The following ABL1 variants were observed in gnomAD, a reference collection of about 807,000 sequenced individuals.
ABL1 encodes the protein ABL proto-oncogene 1, non-receptor tyrosine kinase, also known as tyrosine-protein kinase ABL1.
Under a neutral mutation model 94.7 loss-of-function variants are expected in ABL1, and 11 were observed. The observed-to-expected ratio is 0.12, with a 90% CI of 0.07 to 0.19. ABL1 has a LOEUF of 0.19. Ranked by LOEUF, ABL1 falls within the 10% of genes least tolerant of loss-of-function variation. The pLI is 1.00. For synonymous variants in ABL1, 656 were observed against 622.4 expected (o/e 1.05, Z -0.80); for missense variants, 1,082 against 1,489.4 (o/e 0.73, Z 4.50).
Position 130,738,587 on chromosome 9 carries a change from G to GA in ABL1, c.136+24141dup, listed in dbSNP as rs554688251. Among the ~76,000 whole-genome samples the GA allele has an allele frequency of 8.2e-4, 124 of 151,236 alleles. 1 individual carries two copies. In the Middle Eastern group the frequency reaches 0.01, roughly 12 times the overall value. ...TATTGTTTCATTATCATGTTGATGA[G>GA]AAAAAAAAATCAATTCCCTGCTGGA... On this transcript the variant is annotated intron_variant, in intron 1 of 10. Coordinates refer to the ABL1 transcript ENST00000372348.
rs55915035 is a variant in ABL1, at chr9:130,728,230, A to ATTTTTTTTTTTT, written c.136+13782_136+13793dup. Among the ~76,000 whole-genome samples, 524 of 102,506 alleles carry ATTTTTTTTTTTT rather than the reference A, an allele frequency of 5.1e-3. 76 individuals are homozygous for ATTTTTTTTTTTT. Among genetic ancestry groups the ATTTTTTTTTTTT allele is most frequent in the African/African-American group, 0.023 (440 of 18,982 alleles). 67.2% of individuals were successfully genotyped at this position (102,506 alleles called of 152,430 possible). ...GGGCATGCGCCACCATGTCCAGCTGATTTTTTTTTTTTTTTTTTGTGGAGA... is the reference window on the plus strand; with the variant it reads ...GGGCATGCGCCACCATGTCCAGCTGATTTTTTTTTTTTTTTTTTTTTTTTTTTTTTGTGGAGA... On this transcript the variant is annotated intron_variant, in intron 1 of 10. Transcript: ENST00000372348.
rs1064162 is a variant in ABL1 at position 130,885,072 on chromosome 9, C to T, written c.2782C>T (p.Leu928=). 1,486 of 1,610,022 alleles carry T rather than the reference C, an allele frequency of 9.2e-4. 2 individuals carry two copies. The highest frequency in any genetic ancestry group is 1.3e-3 in the Admixed American group (80 of 59,788). The part of the protein sequence containing the change: ...PSQEAAGEAV[L]GAKTKATSLV... ...CCAGGAGGCGGCCGGGGAGGCAGTC[C>T]TGGGCGCAAAGACAAAAGCCACGAG... Residue 928 remains leucine, a synonymous_variant, in exon 11 of 11, where the codon CTG becomes TTG. Coordinates refer to ENST00000318560, the MANE Select transcript of ABL1 (RefSeq NM_005157.6).
chr9:130,713,252 T>G (rs1831393777), exon 1 of ABL1, among the ~76,000 whole-genome samples: 1 of 151,960 alleles, frequency 6.6e-6, no homozygotes, highest in African/African-American at 2.4e-5. Flanking sequence ...AGGGGGTGTC[T>G]CGGGCAGAGA....
chr9:130,792,483 G>T (rs1829922678), intron 1 of ABL1, among the ~76,000 whole-genome samples: 1 of 151,874 alleles, frequency 6.6e-6, no homozygotes, highest in Non-Finnish European at 1.5e-5. Flanking sequence ...GGTCCTATGA[G>T]TCCTTCAGTT....
At chr9:130,817,349 A>G (rs1308297295) in intron 1 of ABL1, among the ~76,000 whole-genome samples, 1 of 152,264 alleles carries the variant, frequency 6.6e-6, no homozygotes, top group Admixed American at 6.5e-5. Context: ...TTGCCCTGGC[A>G]TGCTTATACT....
rs60571093 is a variant in ABL1 at position 130,727,751 on chromosome 9, GCC to G, written c.136+13307_136+13308del. Among the ~76,000 whole-genome samples the G allele has an allele frequency of 9.5e-4, 84 of 88,164 alleles. 1 individual carries two copies. Among genetic ancestry groups the G allele is most frequent in the Middle Eastern group, 9.6e-3 (2 of 208 alleles). 57.8% of individuals were successfully genotyped at this position (88,164 alleles called of 152,430 possible). Reference sequence around the variant, plus strand: ...AGCCTGGGTGACAGAGTGAGACACCGCCCCCCCCCCCCAAAAAAAAGCATTTA... The same window carrying G: ...AGCCTGGGTGACAGAGTGAGACACCGCCCCCCCCCCAAAAAAAAGCATTTA... On this transcript the variant is annotated intron_variant, in intron 1 of 10. Coordinates refer to the ABL1 transcript ENST00000372348.
rs2229071 is a variant in ABL1 at position 130,884,719 on chromosome 9, C to T, written c.2429C>T (p.Pro810Leu). ...DIMESSPGSS[P>L]PNLTPKPLRR... is the part of the protein sequence containing the mutation. The stretch of plus-strand genomic sequence containing the variant: ...ATGGAGTCCAGCCCGGGCTCCAGCC[C>T]GCCCAACCTGACTCCAAAACCCCTC... The change falls in exon 11 of 11, where the codon CCG becomes CTG. Residue 810 changes from proline (P) to leucine (L), a missense_variant. By Grantham distance (98) the Pro-to-Leu change is moderately conservative (BLOSUM62 -3). Coordinates refer to ENST00000318560, the MANE Select transcript of ABL1 (RefSeq NM_005157.6). This position sits in a 1 kb window ranked among gnomAD's most constrained non-coding sequence, Gnocchi z 5.6. 6.6e-3 allele frequency: 10,564 copies of T among 1,612,558 alleles called. 46 individuals are homozygous for T. Among genetic ancestry groups the T allele is most frequent in the Non-Finnish European group, 7.6e-3 (8,910 of 1,179,900 alleles).
chr9:130,875,941 C>G (rs972943796), intron 7 of ABL1, among the ~76,000 whole-genome samples: 2 of 152,174 alleles, frequency 1.3e-5, no homozygotes, highest in African/African-American at 2.4e-5. Context: ...GATTCTCCTG[C>G]CTCAGCCTCC....
At chr9:130,742,004 G>C (rs895667927) in intron 1 of ABL1, among the ~76,000 whole-genome samples, 8 of 152,178 alleles carry the variant, frequency 5.3e-5, no homozygotes, top group Middle Eastern at 6.3e-3. Context: ...ACAGGGCCTG[G>C]GTGCCCTTTA....
At chr9:130,808,284 C>T (rs1173788401) in intron 1 of ABL1, among the ~76,000 whole-genome samples, 4 of 147,554 alleles carry the variant, frequency 2.7e-5, no homozygotes, top group African/African-American at 5.1e-5. Flanking sequence ...TGCTCTGTCA[C>T]CCAGGCTGGA....
Position 130,835,352 on chromosome 9 carries a change from C to A in ABL1, c.-95C>A. Reference sequence around the variant, plus strand: ...TGAGGGCGGCTGGCGGGGCCGGGGGCGCCGGGGGGGCGCGCGGGCCGAGCC... The same window carrying A: ...TGAGGGCGGCTGGCGGGGCCGGGGGAGCCGGGGGGGCGCGCGGGCCGAGCC... On this transcript the variant is annotated 5_prime_UTR_variant, in exon 1 of 11. Transcript: ENST00000318560. The surrounding 1 kb of genome is among the most constrained non-coding windows in gnomAD (Gnocchi z 4.6). 2 of 430,434 alleles carry A rather than the reference C, an allele frequency of 4.6e-6. No individual in the cohort carries two copies. Among genetic ancestry groups the A allele is most frequent in the Non-Finnish European group, 5.1e-6 (2 of 391,906 alleles). The allele number at this position is 430,434 out of a possible 1,614,324, so 26.7% of individuals were successfully genotyped here.
intron 1 of ABL1, among the ~76,000 whole-genome samples, chr9:130,796,920 C>CAAA (rs10607745): frequency 1.6e-5 from 1 of 60,758 alleles, no homozygotes; most frequent in Non-Finnish European, 3.4e-5. Flanking sequence ...AACTTCATCT[C>CAAA]AAAAAAAAAA....
At chr9:130,776,879 A>G (rs1482139402) in intron 1 of ABL1, among the ~76,000 whole-genome samples, 3 of 152,138 alleles carry the variant, frequency 2.0e-5, no homozygotes, top group Non-Finnish European at 2.9e-5. Flanking sequence ...GGTGTGAGCC[A>G]CCATGCCTGG....
At chr9:130,724,983 C>T (rs1588211259) in intron 1 of ABL1, 1 of 314,286 alleles carries the variant, frequency 3.2e-6, no homozygotes, top group South Asian at 3.1e-5. Flanking sequence ...GGCCTTAGAG[C>T]CACAGTGGCC....
At chr9:130,749,097 C>A (rs1349044519) in intron 1 of ABL1, among the ~76,000 whole-genome samples, 3 of 151,994 alleles carry the variant, frequency 2.0e-5, no homozygotes, top group Non-Finnish European at 2.9e-5. Context: ...TATACTAGAT[C>A]TTGAGCACCA....
At chr9:130,853,157 C>T (rs1265077483) in intron 1 of ABL1, among the ~76,000 whole-genome samples, 3 of 140,902 alleles carry the variant, frequency 2.1e-5, no homozygotes, top group Non-Finnish European at 4.6e-5. Context: ...CCCTTCTGTA[C>T]GATTTGACTT....
chr9:130,749,286 G>T (rs959447238), intron 1 of ABL1, among the ~76,000 whole-genome samples: 4 of 152,236 alleles, frequency 2.6e-5, no homozygotes, highest in African/African-American at 9.6e-5. Context: ...GAAAGGCAAT[G>T]CAGAGTAGAA....
exon 1 of ABL1, chr9:130,714,212 G>A: frequency 8.9e-7 from 1 of 1,126,458 alleles, no homozygotes; most frequent in Non-Finnish European, 1.2e-6. Context: ...GACTTGTGGA[G>A]ATGCAGCGAA....
chr9:130,736,306 C>T (rs7862514), intron 1 of ABL1, among the ~76,000 whole-genome samples: 32,811 of 151,638 alleles, frequency 0.22, 4,541 homozygotes, highest in East Asian at 0.53. Context: ...CATTTTCTTC[C>T]GTAGACATCA....
Sources: allele counts gnomAD v4.1 joint callset (sites outside exome capture counted in the v4.1 genomes callset), GRCh38; gene constraint gnomAD v4.1.1; non-coding constraint Gnocchi (gnomAD v3.1); transcripts MANE v1.5; gene names NCBI Gene and HGNC (gene_info 2026-07-23, HGNC 2026-07-21).